AGBL4: variants seen among roughly 807,000 people sequenced by gnomAD.
The protein encoded by AGBL4 is AGBL carboxypeptidase 4, also known as cytosolic carboxypeptidase 6.
In AGBL4, 58 loss-of-function variants were observed where a neutral mutation model predicts 66.4. The observed-to-expected ratio is 0.87, with a 90% CI of 0.71 to 1.09. AGBL4 has a LOEUF of 1.09. Among genes scored for constraint, AGBL4 ranks in the 50% least tolerant of loss-of-function variants. AGBL4 has a pLI of 0.00. For synonymous variants in AGBL4, 234 were observed against 222.9 expected (o/e 1.05, Z -0.44); for missense variants, 579 against 631.0 (o/e 0.92, Z 0.88).
chr1:49,580,569 G>T (rs951272552), intron 3 of AGBL4, among the ~76,000 whole-genome samples: 1 of 152,134 alleles, frequency 6.6e-6, no homozygotes, highest in Non-Finnish European at 1.5e-5. Flanking sequence ...AGCATTTCTT[G>T]TAGAACTGGA....
intron 4 of AGBL4, among the ~76,000 whole-genome samples, chr1:49,095,390 C>G (rs1201475252): frequency 2.0e-5 from 3 of 152,078 alleles, no homozygotes; most frequent in Non-Finnish European, 4.4e-5. Flanking sequence ...AATCCTAAGC[C>G]AAAAGAACAA....
chr1:49,878,053 C>T (rs1435365601), intron 1 of AGBL4, among the ~76,000 whole-genome samples: 1 of 151,406 alleles, frequency 6.6e-6, no homozygotes, highest in Non-Finnish European at 1.5e-5. Context: ...TCTCTCTTTT[C>T]TTCTTTATTA....
At chr1:49,968,487 T>C (rs992187057) in intron 1 of AGBL4, among the ~76,000 whole-genome samples, 1 of 152,202 alleles carries the variant, frequency 6.6e-6, no homozygotes, top group Non-Finnish European at 1.5e-5. Flanking sequence ...TCAACTCGCT[T>C]ACCCATTCTA....
At chr1:49,438,975 G>A (rs771151445) in intron 3 of AGBL4, among the ~76,000 whole-genome samples, 32 of 152,100 alleles carry the variant, frequency 2.1e-4, no homozygotes, top group Non-Finnish European at 4.3e-4. Context: ...TCCCATCTAT[G>A]GTGATGGAGC....
At chr1:49,814,732 C>A (rs1475699567) in intron 2 of AGBL4, among the ~76,000 whole-genome samples, 1 of 152,078 alleles carries the variant, frequency 6.6e-6, no homozygotes, top group Non-Finnish European at 1.5e-5. Context: ...ATAAGACCAA[C>A]AGATATAAAA....
At chr1:49,076,638 C>G (rs967684876) in intron 4 of AGBL4, among the ~76,000 whole-genome samples, 1 of 152,186 alleles carries the variant, frequency 6.6e-6, no homozygotes, top group African/African-American at 2.4e-5. Context: ...ATCCCCATAG[C>G]ATGTGCTTCC....
intron 5 of AGBL4, among the ~76,000 whole-genome samples, chr1:48,897,082 T>C (rs1042827991): frequency 6.6e-6 from 1 of 152,208 alleles, no homozygotes; most frequent in Non-Finnish European, 1.5e-5. Flanking sequence ...CCATTTTAAG[T>C]GTTCAGTTCA....
At chr1:48,753,947 T>C (rs1314274021) in intron 6 of AGBL4, among the ~76,000 whole-genome samples, 1 of 152,182 alleles carries the variant, frequency 6.6e-6, no homozygotes, top group East Asian at 1.9e-4. Context: ...AGAGCACTGA[T>C]TTTATTTGCC....
chr1:49,230,275 G>A (rs966279181), intron 4 of AGBL4, among the ~76,000 whole-genome samples: 13 of 152,156 alleles, frequency 8.5e-5, no homozygotes, highest in African/African-American at 3.1e-4. Flanking sequence ...GATCATTAAG[G>A]TCTCTCCAAA....
intron 4 of AGBL4, among the ~76,000 whole-genome samples, chr1:49,099,946 T>TTC (rs1333915709): frequency 1.3e-5 from 2 of 152,072 alleles, no homozygotes; most frequent in Non-Finnish European, 2.9e-5. Context: ...CATTCTCTTT[T>TTC]TCTCTCTCTC....
At chr1:49,595,520 A>T (rs1358010573) in intron 3 of AGBL4, among the ~76,000 whole-genome samples, 1 of 152,028 alleles carries the variant, frequency 6.6e-6, no homozygotes, top group Admixed American at 6.6e-5. Context: ...CCTAAAAATC[A>T]TCTAGTATTA....
At chr1:48,754,385 T>C (rs11588207) in intron 6 of AGBL4, among the ~76,000 whole-genome samples, 1 of 152,182 alleles carries the variant, frequency 6.6e-6, no homozygotes, top group Non-Finnish European at 1.5e-5. Flanking sequence ...CTCTGTCTTG[T>C]TCATTACGTT....
At chr1:48,700,561 G>T (rs1464766714) in intron 6 of AGBL4, among the ~76,000 whole-genome samples, 2 of 152,186 alleles carry the variant, frequency 1.3e-5, no homozygotes, top group Admixed American at 1.3e-4. Context: ...GGACCTGACA[G>T]GTAGGAGGGC....
At chr1:48,836,287 A>G (rs1646669300) in intron 6 of AGBL4, among the ~76,000 whole-genome samples, 1 of 131,464 alleles carries the variant, frequency 7.6e-6, no homozygotes, top group Non-Finnish European at 1.6e-5. Flanking sequence ...GAGGCTACTA[A>G]GTTTCCTCAA....
chr1:49,157,751 T>C (rs2148132881), intron 4 of AGBL4, among the ~76,000 whole-genome samples: 1 of 152,334 alleles, frequency 6.6e-6, no homozygotes, highest in East Asian at 1.9e-4. Flanking sequence ...TGTTGTTTCC[T>C]GTCTTTTAAT....
Position 48,545,999 on chromosome 1 carries a change from G to A in AGBL4, c.1268-6261C>T, listed in dbSNP as rs190821145. On this transcript the variant is annotated intron_variant, in intron 11 of 13. Transcript: ENST00000371839. Reference sequence around the variant, plus strand: ...ATTGGGGTTAAAGGAAAATTAGACAGATACACTTTATAGCCTAGAGAAGGA... The same window carrying A: ...ATTGGGGTTAAAGGAAAATTAGACAAATACACTTTATAGCCTAGAGAAGGA... Among the ~76,000 whole-genome samples, 267 of 152,300 alleles carry A rather than the reference G, an allele frequency of 1.8e-3. 1 individual carries two copies. Among genetic ancestry groups the A allele is most frequent in the Non-Finnish European group, 2.9e-3 (199 of 68,016 alleles).
chr1:48,836,097 A>G lies in AGBL4; in HGVS notation c.634+31094T>C, dbSNP rs986815349. On this transcript the variant is annotated intron_variant, in intron 6 of 13. Transcript: ENST00000371839. ...CAGATGAAAGAGAATGACATTTTGG[A>G]GCAGGGTGGTGGCAGTGGAGATGGA... Among the ~76,000 whole-genome samples, 12 of 152,134 alleles carry G rather than the reference A, an allele frequency of 7.9e-5. No individual in the cohort carries two copies. The South Asian group carries it at 1.7e-3, about 21-fold the overall frequency.
rs540075271 is a variant in AGBL4 at position 49,642,346 on chromosome 1, A to G, written c.282+54967T>C. On this transcript the variant is annotated intron_variant, in intron 3 of 13. Transcript: ENST00000371839. Reference sequence around the variant, plus strand: ...ATTAGAAACAAATCATTTGAGCCCTATGATTGTCCCACCCTATTGTCTGAA... The same window carrying G: ...ATTAGAAACAAATCATTTGAGCCCTGTGATTGTCCCACCCTATTGTCTGAA... Among the ~76,000 whole-genome samples the G allele has an allele frequency of 4.6e-5, 7 of 152,106 alleles. No individual in the cohort carries two copies. The East Asian group carries it at 5.8e-4, about 13-fold the overall frequency.
chr1:49,741,895 G>A (rs1277095320), intron 2 of AGBL4, among the ~76,000 whole-genome samples: 6 of 151,836 alleles, frequency 4.0e-5, no homozygotes, highest in African/African-American at 9.7e-5. Flanking sequence ...TTGATGGGAC[G>A]TATCTCAAAA....
Sources: gnomAD v4.1 joint callset for allele counts (sites outside exome capture counted in the v4.1 genomes callset) on GRCh38, gnomAD v4.1.1 for gene constraint, MANE v1.5 for transcripts, NCBI Gene and HGNC (gene_info 2026-07-23, HGNC 2026-07-21) for gene names.